Variants in XYLT1 observed in about 807,000 individuals in gnomAD.
XYLT1 encodes the protein xylosyltransferase 1.
A neutral mutation model predicts 91.3 loss-of-function variants in XYLT1; 36 were observed. The ratio of observed to expected loss-of-function variants is 0.39; its 90% CI spans 0.30 to 0.52. XYLT1 has a LOEUF of 0.52. Ranked by LOEUF, XYLT1 falls within the 20% of genes least tolerant of loss-of-function variation. The pLI is 0.68. For missense variants in XYLT1, 1,242 were observed against 1,284.5 expected (o/e 0.97, Z 0.51); for synonymous variants, 588 against 532.0 (o/e 1.11, Z -1.45).
intron 1 of XYLT1, among the ~76,000 whole-genome samples, chr16:17,435,868 C>A (rs1224602664): frequency 2.6e-5 from 4 of 152,204 alleles, no homozygotes; most frequent in Non-Finnish European, 5.9e-5. Context: ...ATGAAGAATG[C>A]ATGACTTTAT....
Position 17,337,775 on chromosome 16 carries a change from C to CTTTTTT in XYLT1, c.402+20236_402+20237insAAAAAA, listed in dbSNP as rs71373106. 3.1e-3 allele frequency among the ~76,000 whole-genome samples: 355 copies of CTTTTTT among 114,132 alleles called. 17 individuals are homozygous for CTTTTTT. The highest frequency in any genetic ancestry group is 3.7e-3 in the Non-Finnish European group (224 of 59,858). The allele number at this position is 114,132 out of a possible 152,430, so 74.9% of individuals were successfully genotyped here. On this transcript the variant is annotated intron_variant, in intron 2 of 11. Coordinates refer to ENST00000261381, the MANE Select transcript of XYLT1 (RefSeq NM_022166.4). ...CTACTTTGTCTGTTCCACATTTTTTCTTTTTCTTTTTTTTTTTTTTTGTGA... is the reference window on the plus strand; with the variant it reads ...CTACTTTGTCTGTTCCACATTTTTTCTTTTTTTTTTTCTTTTTTTTTTTTTTTGTGA...
At chr16:17,131,136 T>C (rs1239403550) in intron 9 of XYLT1, among the ~76,000 whole-genome samples, 1 of 152,170 alleles carries the variant, frequency 6.6e-6, no homozygotes, top group Non-Finnish European at 1.5e-5. Flanking sequence ...ACACGATAGC[T>C]ACTCAATCAG....
At chr16:17,292,674 T>TG (rs1340823038) in intron 2 of XYLT1, among the ~76,000 whole-genome samples, 1 of 152,142 alleles carries the variant, frequency 6.6e-6, no homozygotes, top group Non-Finnish European at 1.5e-5. Flanking sequence ...AGAATAGCAA[T>TG]GGGAAATGAA....
At chr16:17,364,528 A>G (rs999091022) in intron 1 of XYLT1, among the ~76,000 whole-genome samples, 8 of 152,144 alleles carry the variant, frequency 5.3e-5, no homozygotes, top group Admixed American at 3.3e-4. Flanking sequence ...ATCCCTCTAT[A>G]CTCAACCCTA....
At chr16:17,135,036 GA>G (rs2030659645) in intron 8 of XYLT1, among the ~76,000 whole-genome samples, 1 of 152,188 alleles carries the variant, frequency 6.6e-6, no homozygotes, top group South Asian at 2.1e-4. Flanking sequence ...TAATAGCTGG[GA>G]TGGATCTCAG....
At chr16:17,325,629 G>A (rs1345439395) in intron 2 of XYLT1, among the ~76,000 whole-genome samples, 4 of 152,080 alleles carry the variant, frequency 2.6e-5, no homozygotes, top group East Asian at 3.9e-4. Flanking sequence ...CTGGCATGGC[G>A]ATTTTATTTT....
chr16:17,370,461 T>A (rs1239705907), intron 1 of XYLT1, among the ~76,000 whole-genome samples: 1 of 152,180 alleles, frequency 6.6e-6, no homozygotes, highest in Non-Finnish European at 1.5e-5. Flanking sequence ...AGGGACTTCA[T>A]TGAGACATCT....
Position 17,259,002 on chromosome 16 carries a change from A to G in XYLT1, c.899T>C (p.Phe300Ser), listed in dbSNP as rs2141757551. ...GLLMPEKVTR[F>S]CPLEGKANKN... Reference sequence around the variant, plus strand: ...TTGGAACTTACCCTCGAGGGGGCAGAACCGAGTCACCTTCTCAGGCATCAG... The same window carrying G: ...TTGGAACTTACCCTCGAGGGGGCAGGACCGAGTCACCTTCTCAGGCATCAG... The change falls in exon 3 of 12, where the codon TTC (phenylalanine) becomes TCC (serine). Residue 300 changes from phenylalanine to serine, a missense_variant. Around this residue, in one of 3 missense-constraint regions of XYLT1, gnomAD observed 437 missense variants for 411.5 expected, o/e 1.06. Coordinates refer to ENST00000261381, the MANE Select transcript of XYLT1 (RefSeq NM_022166.4). 6.6e-7 allele frequency: 1 copy of G among 1,505,752 alleles called. No individual in the cohort carries two copies. Among genetic ancestry groups the G allele is most frequent in the Non-Finnish European group, 8.9e-7 (1 of 1,127,042 alleles). The allele number at this position is 1,505,752 out of a possible 1,614,324, so 93.3% of individuals were successfully genotyped here. A position where few individuals can be genotyped will look rare whatever the true frequency, so the allele number is the denominator to read the frequency against.
At position 17,425,835 on chromosome 16, in the gene XYLT1, AAC is replaced by A. The variant is rs575429102; in HGVS notation, c.363+44597_363+44598del. ...CCAAATACCTTAAATACATCCTTCA[AAC>A]TCAGCTCAGATGGCGCTCCCTCCAA... On this transcript the variant is annotated intron_variant, in intron 1 of 11. Coordinates refer to ENST00000261381, the MANE Select transcript of XYLT1 (RefSeq NM_022166.4). 7.0e-4 allele frequency among the ~76,000 whole-genome samples: 106 copies of A among 152,128 alleles called. No homozygotes were observed. In the Middle Eastern group the frequency reaches 0.01, roughly 15 times the overall value.
At chr16:17,137,717 C>A (rs1567290718) in intron 8 of XYLT1, 1 of 149,042 alleles carries the variant, frequency 6.7e-6, no homozygotes, top group Non-Finnish European at 1.5e-5. Flanking sequence ...TGTTCTACCT[C>A]TTCTTACTCC....
chr16:17,206,686 C>T (rs527528213), intron 3 of XYLT1, among the ~76,000 whole-genome samples: 10 of 152,242 alleles, frequency 6.6e-5, no homozygotes, highest in South Asian at 4.1e-4. Context: ...CAGTGAGCTA[C>T]GATGGTGTCA....
intron 3 of XYLT1, among the ~76,000 whole-genome samples, chr16:17,234,190 G>C (rs1231979195): frequency 2.0e-5 from 3 of 152,114 alleles, no homozygotes; most frequent in African/African-American, 7.2e-5. Context: ...GAAGTGATTT[G>C]CCCAAGAATG....
intron 1 of XYLT1, among the ~76,000 whole-genome samples, chr16:17,368,777 T>C (rs972381140): frequency 2.0e-5 from 3 of 151,860 alleles, no homozygotes; most frequent in Non-Finnish European, 4.4e-5. Flanking sequence ...AGAGATGGGG[T>C]CTTCCTATGT....
Position 17,327,778 on chromosome 16 carries a change from A to G in XYLT1, c.402+30234T>C, listed in dbSNP as rs556877804. Among the ~76,000 whole-genome samples the G allele has an allele frequency of 2.6e-5, 4 of 152,052 alleles. No individual in the cohort carries two copies. In the South Asian group the frequency reaches 8.3e-4, roughly 32 times the overall value. ...GCTTGGATTTCACAGGCAAGTCTGC[A>G]TTTTCCTCGTCTTAAATTCCATCGC... On this transcript the variant is annotated intron_variant, in intron 2 of 11. Transcript: ENST00000261381.
intron 3 of XYLT1, among the ~76,000 whole-genome samples, chr16:17,221,313 AT>A (rs568271672): frequency 6.6e-6 from 1 of 152,232 alleles, no homozygotes; most frequent in South Asian, 2.1e-4. Context: ...AAAAGCCAGC[AT>A]TTTTTTAAGC....
At chr16:17,424,349 G>A (rs2036286992) in intron 1 of XYLT1, among the ~76,000 whole-genome samples, 1 of 152,184 alleles carries the variant, frequency 6.6e-6, no homozygotes, top group Non-Finnish European at 1.5e-5. Context: ...GCACCCACAA[G>A]TTATTCCATT....
intron 1 of XYLT1, among the ~76,000 whole-genome samples, chr16:17,428,425 C>A (rs1016103666): frequency 2.6e-5 from 4 of 152,134 alleles, no homozygotes; most frequent in African/African-American, 9.7e-5. Flanking sequence ...GCCTCAGACT[C>A]CTGTCTATAA....
chr16:17,118,281 TGAAC>T (rs3053246), intron 10 of XYLT1, among the ~76,000 whole-genome samples: 1 of 138,514 alleles, frequency 7.2e-6, no homozygotes, highest in African/African-American at 2.8e-5. Context: ...AGTGAATGAA[TGAAC>T]GAATGAATGA....
chr16:17,168,007 A>T (rs528184290), intron 5 of XYLT1, among the ~76,000 whole-genome samples: 2 of 152,348 alleles, frequency 1.3e-5, no homozygotes, highest in East Asian at 3.9e-4. Flanking sequence ...CCACTGGAAA[A>T]ATCAGGGAAG....
Sources: gnomAD v4.1 joint callset for allele counts (sites outside exome capture counted in the v4.1 genomes callset) on GRCh38, gnomAD v4.1.1 for gene constraint, gnomAD v4.1.1 regional missense constraint, MANE v1.5 for transcripts, NCBI Gene and HGNC (gene_info 2026-07-23, HGNC 2026-07-21) for gene names.